CMIP: variants seen among roughly 807,000 people sequenced by gnomAD.
CMIP encodes the protein C-Maf-inducing protein.
A neutral mutation model predicts 97.3 loss-of-function variants in CMIP; 13 were observed. The observed-to-expected ratio is 0.13, with a 90% CI of 0.09 to 0.21. The LOEUF (loss-of-function observed/expected upper bound fraction) is 0.21. CMIP is among the 10% of genes least tolerant of loss of function. The pLI is 1.00. For synonymous variants in CMIP, 538 were observed against 436.3 expected, an observed-to-expected ratio of 1.23 and a Z score of -2.91; for missense variants, 847 against 1,024.9, an observed-to-expected ratio of 0.83 and a Z score of 2.37.
chr16:81,664,255 C>T lies in CMIP; in HGVS notation c.745-14C>T, dbSNP rs1193112583. 7.6e-6 allele frequency: 12 copies of T among 1,588,868 alleles called. No homozygotes were observed. The highest frequency in any genetic ancestry group is 5.3e-5 in the Admixed American group (3 of 56,658). On this transcript the variant is annotated splice_polypyrimidine_tract_variant and intron_variant, in intron 6 of 20. Transcript: ENST00000537098. Reference sequence around the variant, plus strand: ...TCTTAGGGCCGCAGTAACTGTACCCCACTCTGTCCCCAGCACTGCAGAGAG... The same window carrying T: ...TCTTAGGGCCGCAGTAACTGTACCCTACTCTGTCCCCAGCACTGCAGAGAG...
Position 81,539,598 on chromosome 16 carries a change from C to T in CMIP, c.301-67969C>T, listed in dbSNP as rs117053695. 6.7e-3 allele frequency among the ~76,000 whole-genome samples: 1,027 copies of T among 152,344 alleles called. 6 individuals carry two copies. Among genetic ancestry groups the T allele is most frequent in the Middle Eastern group, 0.017 (5 of 294 alleles). On this transcript the variant is annotated intron_variant, in intron 1 of 20. Coordinates refer to ENST00000537098, the MANE Select transcript of CMIP (RefSeq NM_198390.3). ...TTTCTGTCTGGCCCTGCCTCTCCCA[C>T]TCTTACTGCACCTCGGAGCTCCTTA... is the stretch of plus-strand genomic sequence containing the variant.
intron 1 of CMIP, among the ~76,000 whole-genome samples, chr16:81,468,018 C>T (rs1288232188): frequency 6.6e-6 from 1 of 151,922 alleles, no homozygotes; most frequent in Non-Finnish European, 1.5e-5. Flanking sequence ...TCCCCAGTAG[C>T]TGGGATCACA....
At position 81,670,193 on chromosome 16, in the gene CMIP, G is replaced by C; in HGVS notation, c.877G>C (p.Ala293Pro). Residue 293 changes from alanine to proline, a missense_variant, in exon 8 of 21, where the codon GCC (alanine) becomes CCC (proline). Coordinates refer to ENST00000537098, the MANE Select transcript of CMIP (RefSeq NM_198390.3). Reference protein sequence around the residue: ...LRLFTQEYILALNELNAGMEV... With the variant: ...LRLFTQEYILPLNELNAGMEV... ...GCTGTTTACTCAGGAGTACATCCTT[G>C]CCTTGAACGAGCTCAACGCGGGGAT... The C allele has an allele frequency of 6.2e-7, 1 of 1,611,948 alleles. No homozygotes were observed. The highest frequency in any genetic ancestry group is 8.5e-7 in the Non-Finnish European group (1 of 1,179,184).
chr16:81,593,420 G>A (rs561057709), intron 1 of CMIP, among the ~76,000 whole-genome samples: 7 of 152,106 alleles, frequency 4.6e-5, no homozygotes, highest in South Asian at 2.1e-4. Flanking sequence ...CCTGTGATGC[G>A]CAGGTGCCAT....
chr16:81,570,293 C>T (rs775444400), intron 1 of CMIP, among the ~76,000 whole-genome samples: 12 of 152,124 alleles, frequency 7.9e-5, no homozygotes, highest in Non-Finnish European at 1.5e-4. Flanking sequence ...CCTAGCACCC[C>T]GTGTTGTCAG....
chr16:81,452,699 C>G (rs1426883916), intron 1 of CMIP, among the ~76,000 whole-genome samples: 1 of 152,032 alleles, frequency 6.6e-6, no homozygotes, highest in Non-Finnish European at 1.5e-5. Context: ...TGGCTTGCAC[C>G]TGGTACATGT....
In CMIP at chr16:81,662,204, C is replaced by T. The variant is rs528832828; in HGVS notation, c.744+1258C>T. On this transcript the variant is annotated intron_variant, in intron 6 of 20. Transcript: ENST00000537098. ...CATCTCCTGTCCAATTTAACCCAAA[C>T]CTGCCCCATGCTTGCCTCTCAAGCT... 4.4e-4 allele frequency among the ~76,000 whole-genome samples: 67 copies of T among 152,314 alleles called. No individual in the cohort carries two copies. In the South Asian group the frequency reaches 9.1e-3, roughly 21 times the overall value.
Position 81,678,611 on chromosome 16 carries a change from G to C in CMIP, c.1371G>C (p.Val457=). 1 of 1,580,628 alleles carries C rather than the reference G, an allele frequency of 6.3e-7. No individual in the cohort carries two copies. The part of the protein sequence containing the change: ...PQADRTLGCY[V]EILKLLSDYD... ...CCGACCGCACGCTCGGCTGCTACGT[G>C]GAAATCCTCAAGCTGCTGTGAGTGC... Residue 457 remains valine (V), a synonymous_variant, in exon 10 of 21, where the codon GTG becomes GTC. Coordinates refer to ENST00000537098, the MANE Select transcript of CMIP (RefSeq NM_198390.3).
intron 1 of CMIP, among the ~76,000 whole-genome samples, chr16:81,527,727 T>C (rs548294557): frequency 7.2e-5 from 11 of 152,384 alleles, no homozygotes; most frequent in Non-Finnish European, 1.3e-4. Flanking sequence ...CCTCTTTGGC[T>C]CCACATGTGT....
intron 1 of CMIP, among the ~76,000 whole-genome samples, chr16:81,451,589 G>A (rs1567522354): frequency 6.6e-6 from 1 of 152,186 alleles, no homozygotes; most frequent in Non-Finnish European, 1.5e-5. Flanking sequence ...AGAGGGAAGG[G>A]CAGTGTTTCC....
intron 1 of CMIP, among the ~76,000 whole-genome samples, chr16:81,525,995 TG>T (rs2090125631): frequency 2.1e-4 from 7 of 33,474 alleles, no homozygotes; most frequent in East Asian, 2.0e-3. Flanking sequence ...TGTGTGTGTG[TG>T]TGTGTGTGTG....
intron 17 of CMIP, among the ~76,000 whole-genome samples, chr16:81,703,614 G>GACACAC (rs148131414): frequency 1.3e-5 from 2 of 151,124 alleles, no homozygotes; most frequent in Non-Finnish European, 3.0e-5. Flanking sequence ...CACACACACA[G>GACACAC]ACACACACAC....
At chr16:81,500,834 C>T (rs1269169109) in intron 1 of CMIP, among the ~76,000 whole-genome samples, 1 of 152,130 alleles carries the variant, frequency 6.6e-6, no homozygotes, top group Admixed American at 6.5e-5. Flanking sequence ...TCCCTTCCTC[C>T]CTCCCTTCCT....
At chr16:81,615,891 A>G (rs1332620718) in intron 2 of CMIP, among the ~76,000 whole-genome samples, 2 of 152,142 alleles carry the variant, frequency 1.3e-5, no homozygotes, top group African/African-American at 2.4e-5. Flanking sequence ...TGATGGAAAG[A>G]TGCTCATTGT....
chr16:81,615,329 G>T (rs1342330812), intron 2 of CMIP, among the ~76,000 whole-genome samples: 4 of 139,056 alleles, frequency 2.9e-5, no homozygotes, highest in Non-Finnish European at 6.2e-5. Context: ...GGTGTGTGTG[G>T]TGTATGTGTC....
intron 1 of CMIP, among the ~76,000 whole-genome samples, chr16:81,597,598 G>GA (rs958955926): frequency 6.6e-6 from 1 of 151,224 alleles, no homozygotes; most frequent in Non-Finnish European, 1.5e-5. Context: ...GGGAGCGGGG[G>GA]GGGGGGAGTC....
chr16:81,507,393 T>G (rs1229078072), intron 1 of CMIP, among the ~76,000 whole-genome samples: 1 of 152,182 alleles, frequency 6.6e-6, no homozygotes, highest in African/African-American at 2.4e-5. Context: ...GTCAGGAGTT[T>G]GAGAAACCAT....
chr16:81,652,454 C>T lies in CMIP; in HGVS notation c.639+90C>T. On this transcript the variant is annotated intron_variant, in intron 4 of 20. Transcript: ENST00000537098. This position sits in a 1 kb window ranked among gnomAD's most constrained non-coding sequence, Gnocchi z 5.2. ...TGCCAAGCAGCAGGCGCAGGCAGAG[C>T]TCCGTGTGGGCTGTGTTGTTGCCCT... is the stretch of plus-strand genomic sequence containing the variant. 8.5e-7 allele frequency: 1 copy of T among 1,169,992 alleles called. No homozygotes were observed. Among genetic ancestry groups the T allele is most frequent in the African/African-American group, 1.5e-5 (1 of 65,224 alleles). The allele number at this position is 1,169,992 out of a possible 1,614,324, so 72.5% of individuals were successfully genotyped here.
chr16:81,592,661 A>T (rs1186703120), intron 1 of CMIP, among the ~76,000 whole-genome samples: 1 of 152,222 alleles, frequency 6.6e-6, no homozygotes, highest in East Asian at 1.9e-4. Flanking sequence ...CCTGGCTTCC[A>T]TGTGGCCGTT....
Sources: allele counts gnomAD v4.1 joint callset (sites outside exome capture counted in the v4.1 genomes callset), GRCh38; gene constraint gnomAD v4.1.1; non-coding constraint Gnocchi (gnomAD v3.1); transcripts MANE v1.5; gene names NCBI Gene and HGNC (gene_info 2026-07-23, HGNC 2026-07-21).